ZNF679: variants seen among roughly 807,000 people sequenced by gnomAD.
ZNF679 encodes the protein zinc finger protein 679.
Under a neutral mutation model 13.4 loss-of-function variants are expected in ZNF679, and 10 were observed. That is an observed-to-expected ratio of 0.75 (90% CI 0.46 to 1.27). ZNF679 has a LOEUF of 1.27. ZNF679 is among the 50% of genes most tolerant of loss of function. The pLI, the probability that ZNF679 is intolerant of heterozygous loss-of-function variation, is 0.00. For missense variants in ZNF679, 525 were observed against 477.8 expected (o/e 1.10, Z -0.92); for synonymous variants, 179 against 162.5 (o/e 1.10, Z -0.77).
At chr7:64,265,111 G>A (rs547241699) in intron 4 of ZNF679, among the ~76,000 whole-genome samples, 1 of 151,394 alleles carries the variant, frequency 6.6e-6, no homozygotes, top group Admixed American at 6.6e-5. Context: ...TGATTTTTTT[G>A]ATTAGACCAT....
intron 2 of ZNF679, among the ~76,000 whole-genome samples, chr7:64,249,499 G>C (rs1787915024): frequency 6.6e-6 from 1 of 152,168 alleles, no homozygotes; most frequent in Non-Finnish European, 1.5e-5. Flanking sequence ...TTCATAAGTG[G>C]AAAGAGCTGT....
chr7:64,266,590 T>A lies in ZNF679; in HGVS notation c.957T>A (p.Thr319=), dbSNP rs773494160. The part of the protein sequence containing the change: ...SSLTYHKRIH[T]GEKPYTCEEC... ...TCACTTACCACAAGAGAATTCATAC[T>A]GGAGAGAAACCCTACACATGTGAAG... The change falls in exon 5 of 5, where the codon ACT becomes ACA. Residue 319 remains threonine, a synonymous_variant. Coordinates refer to ENST00000421025, the MANE Select transcript of ZNF679 (RefSeq NM_153363.3). The A allele has an allele frequency of 1.9e-6, 3 of 1,604,870 alleles. No individual in the cohort carries two copies. The Admixed American group carries it at 5.0e-5, about 27-fold the overall frequency.
At chr7:64,248,991 G>A (rs1157736224) in intron 1 of ZNF679, 37 bp from the exon 2 acceptor site, 3 of 1,398,576 alleles carry the variant, frequency 2.1e-6, no homozygotes, top group South Asian at 1.3e-5. Flanking sequence ...GGATGCCTCC[G>A]TAATTTTCCG....
chr7:64,254,042 A>G (rs138641576), intron 2 of ZNF679, among the ~76,000 whole-genome samples: 288 of 152,308 alleles, frequency 1.9e-3, no homozygotes, highest in African/African-American at 5.6e-3. Flanking sequence ...CTAAGTCATA[A>G]TGGGGAGAAC....
chr7:64,260,433 A>G, intron 3 of ZNF679, 86 bp downstream of exon 3: 1 of 1,530,330 alleles, frequency 6.5e-7, no homozygotes, highest in Non-Finnish European at 8.7e-7. Flanking sequence ...GCTTTGCATG[A>G]GTGAATTTTA....
chr7:64,238,722 T>C (rs571852260), intron 1 of ZNF679, among the ~76,000 whole-genome samples: 2 of 152,290 alleles, frequency 1.3e-5, no homozygotes, highest in East Asian at 1.9e-4. Context: ...ATTTCATACC[T>C]ACATATAAAT....
chr7:64,236,089 AC>A (rs1363860480), intron 1 of ZNF679, among the ~76,000 whole-genome samples: 1 of 151,968 alleles, frequency 6.6e-6, no homozygotes, highest in African/African-American at 2.4e-5. Flanking sequence ...ACATGGTGAA[AC>A]CCTGTCTCTA....
rs906557672 is a variant in ZNF679 at position 64,232,591 on chromosome 7, G to A, written c.-91+3939G>A. 3.3e-5 allele frequency among the ~76,000 whole-genome samples: 5 copies of A among 152,284 alleles called. No homozygotes were observed. In the South Asian group the frequency reaches 6.2e-4, roughly 19 times the overall value. ...CCCACTGTAAGCAGAATGCAGGCAG[G>A]CATGTGGGTGCTTGGCCCCGTGATA... On this transcript the variant is annotated intron_variant, in intron 1 of 4. Transcript: ENST00000421025.
rs71060565 is a variant in ZNF679, at chr7:64,235,787, CAAGAAAGA to C, written c.-91+7156_-91+7163del. Among the ~76,000 whole-genome samples, 360 of 142,918 alleles carry C rather than the reference CAAGAAAGA, an allele frequency of 2.5e-3. 1 individual carries two copies. Among genetic ancestry groups the C allele is most frequent in the African/African-American group, 8.1e-3 (308 of 38,244 alleles). The allele number at this position is 142,918 out of a possible 152,430, so 93.8% of individuals were successfully genotyped here. A position where few individuals can be genotyped will look rare whatever the true frequency, so the allele number is the denominator to read the frequency against. ...CTGGGCGACAAGAGCGAAACCCCGT[CAAGAAAGA>C]AAGAAAGAAAGAAAGAAAGAGACAG... is the stretch of plus-strand genomic sequence containing the variant. On this transcript the variant is annotated intron_variant, in intron 1 of 4. Transcript: ENST00000421025.
Position 64,265,986 on chromosome 7 carries a change from G to C in ZNF679, c.353G>C (p.Ser118Thr), listed in dbSNP as rs1304634356. The change falls in exon 5 of 5, where the codon AGT (serine) becomes ACT (threonine). Residue 118 changes from serine (S) to threonine (T), a missense_variant. Transcript: ENST00000421025. ...QKVIPRRYGK[S>T]GHDNLQVKTC... The stretch of plus-strand genomic sequence containing the variant: ...GTAATACCAAGAAGATATGGAAAAA[G>C]TGGACATGACAATTTACAAGTAAAA... 6.2e-7 allele frequency: 1 copy of C among 1,613,760 alleles called. No homozygotes were observed. Among genetic ancestry groups the C allele is most frequent in the East Asian group, 2.2e-5 (1 of 44,852 alleles).
intron 1 of ZNF679, among the ~76,000 whole-genome samples, chr7:64,242,972 A>T (rs1273678706): frequency 6.6e-6 from 1 of 152,152 alleles, no homozygotes; most frequent in African/African-American, 2.4e-5. Context: ...TTGTGTTGTC[A>T]TATGAGAGTC....
At position 64,266,749 on chromosome 7, in the gene ZNF679, G is replaced by T. The variant is rs1788159693; in HGVS notation, c.1116G>T (p.Arg372Ser). 1.2e-6 allele frequency: 2 copies of T among 1,609,490 alleles called. No individual in the cohort carries two copies. Among genetic ancestry groups the T allele is most frequent in the African/African-American group, 2.7e-5 (2 of 74,468 alleles). Residue 372 changes from arginine to serine, a missense_variant, in exon 5 of 5, where the codon AGG (arginine) becomes AGT (serine). Physicochemically the swap from Arg to Ser is moderately radical, Grantham distance 110. Coordinates refer to ENST00000421025, the MANE Select transcript of ZNF679 (RefSeq NM_153363.3). ...AFSSTLNTHKRIHTGEEPYKC... is the reference protein window; with the variant it reads ...AFSSTLNTHKSIHTGEEPYKC... The stretch of plus-strand genomic sequence containing the variant: ...CCTCAACTCTTAATACTCATAAGAG[G>T]ATTCATACTGGAGAGGAACCCTACA...
chr7:64,263,199 C>A (rs2115613270), intron 4 of ZNF679, among the ~76,000 whole-genome samples: 1 of 152,226 alleles, frequency 6.6e-6, no homozygotes, highest in East Asian at 1.9e-4. Flanking sequence ...TCAAGTAATC[C>A]TTCCACCTTG....
chr7:64,266,779 T>C lies in ZNF679; in HGVS notation c.1146T>C (p.Cys382=), dbSNP rs1158436056. The C allele has an allele frequency of 1.7e-5, 27 of 1,609,448 alleles. No homozygotes were observed. The highest frequency in any genetic ancestry group is 2.7e-5 in the African/African-American group (2 of 74,720). Residue 382 remains cysteine (C), a synonymous_variant, in exon 5 of 5, where the codon TGT becomes TGC. Transcript: ENST00000421025. ...ATACTGGAGAGGAACCCTACAAATG[T>C]GAAGAATGTGACAAAGCTTTTAAGT... ...RIHTGEEPYK[C]EECDKAFKWS...
At chr7:64,259,561 T>C (rs1376215539) in intron 2 of ZNF679, among the ~76,000 whole-genome samples, 3 of 152,230 alleles carry the variant, frequency 2.0e-5, no homozygotes, top group Non-Finnish European at 4.4e-5. Context: ...GGCTACTTAA[T>C]GTTACTATTA....
At position 64,242,183 on chromosome 7, in the gene ZNF679, C is replaced by A. The variant is rs144608053; in HGVS notation, c.-90-6845C>A. On this transcript the variant is annotated intron_variant, in intron 1 of 4. Transcript: ENST00000421025. ...GCATTCACATCTGAAAGTCACAATT[C>A]CGATTTTTGACTGCCTCTGAGTGTG... 6.6e-5 allele frequency among the ~76,000 whole-genome samples: 10 copies of A among 152,258 alleles called. No individual in the cohort carries two copies. The East Asian group carries it at 1.9e-3, about 29-fold the overall frequency.
intron 1 of ZNF679, among the ~76,000 whole-genome samples, chr7:64,235,138 A>G (rs1335457056): frequency 6.6e-6 from 1 of 152,098 alleles, no homozygotes; most frequent in Non-Finnish European, 1.5e-5. Flanking sequence ...GAGCCCGGCC[A>G]TATCAACTTT....
intron 1 of ZNF679, among the ~76,000 whole-genome samples, chr7:64,229,097 T>C (rs1382654192): frequency 6.6e-6 from 1 of 152,142 alleles, no homozygotes; most frequent in Non-Finnish European, 1.5e-5. Flanking sequence ...AGGCAGAAGT[T>C]AACACATTTT....
rs777415929 is a variant in ZNF679 at position 64,266,469 on chromosome 7, G to A, written c.836G>A (p.Arg279His). The change falls in exon 5 of 5, where the codon CGC (arginine) becomes CAC (histidine). Residue 279 changes from arginine to histidine, a missense_variant. Physicochemically the swap from Arg to His is conservative, Grantham distance 29 (BLOSUM62 0). Coordinates refer to ENST00000421025, the MANE Select transcript of ZNF679 (RefSeq NM_153363.3). ...TCEECGQAFS[R>H]SSTLANHKRI... ...GAAGAATGTGGCCAAGCCTTTAGCC[G>A]CTCCTCAACACTTGCTAACCACAAG... The A allele has an allele frequency of 2.9e-5, 47 of 1,611,762 alleles. 1 individual carries two copies. The African/African-American group carries it at 4.2e-4, about 14-fold the overall frequency.
Sources: gnomAD v4.1 joint callset for allele counts (sites outside exome capture counted in the v4.1 genomes callset) on GRCh38, gnomAD v4.1.1 for gene constraint, MANE v1.5 for transcripts, NCBI Gene and HGNC (gene_info 2026-07-23, HGNC 2026-07-21) for gene names.